UBE4B: variants seen among roughly 807,000 people sequenced by gnomAD.
UBE4B encodes the protein ubiquitin conjugation factor E4 B.
Under a neutral mutation model 148.1 loss-of-function variants are expected in UBE4B, and 27 were observed. The observed-to-expected ratio is 0.18, with a 90% CI of 0.13 to 0.25. UBE4B has a LOEUF of 0.25. UBE4B is among the 10% of genes least tolerant of loss of function. The pLI is 1.00. For missense variants in UBE4B, 1,170 were observed against 1,662.4 expected (o/e 0.70, Z 5.15); for synonymous variants, 596 against 619.3 (o/e 0.96, Z 0.56).
At chr1:10,103,639 T>G (rs1260302546) in intron 5 of UBE4B, among the ~76,000 whole-genome samples, 11 of 147,606 alleles carry the variant, frequency 7.5e-5, no homozygotes, top group Non-Finnish European at 1.1e-4. Context: ...TTTGTTTTTT[T>G]TTTTTTTTTT....
At chr1:10,177,658 AAT>A (rs373828728) in intron 25 of UBE4B, among the ~76,000 whole-genome samples, 3 of 151,050 alleles carry the variant, frequency 2.0e-5, no homozygotes. Context: ...TCTGTCTCAA[AAT>A]ATATATATAT....
At chr1:10,105,892 G>C (rs563916190) in intron 6 of UBE4B, 148 bp downstream of exon 6, 357 of 961,678 alleles carry the variant, frequency 3.7e-4, no homozygotes, top group Non-Finnish European at 5.1e-4. Flanking sequence ...GTCATTGGAA[G>C]TGGAATTCTC....
intron 7 of UBE4B, among the ~76,000 whole-genome samples, chr1:10,112,475 C>T (rs1311775235): frequency 6.6e-6 from 1 of 152,222 alleles, no homozygotes; most frequent in African/African-American, 2.4e-5. Flanking sequence ...TCTCAGCTCA[C>T]TGTAACCTCC....
chr1:10,146,617 C>G (rs1645877423), intron 18 of UBE4B, among the ~76,000 whole-genome samples: 1 of 152,170 alleles, frequency 6.6e-6, no homozygotes, highest in Non-Finnish European at 1.5e-5. Flanking sequence ...AATTCAGACA[C>G]TGATTGTTTG....
intron 20 of UBE4B, among the ~76,000 whole-genome samples, chr1:10,150,450 G>A (rs112214353): frequency 2.0e-5 from 3 of 151,984 alleles, no homozygotes; most frequent in African/African-American, 7.3e-5. Flanking sequence ...TTATGTTTTG[G>A]TAGTGATGAT....
At chr1:10,095,744 A>G in intron 3 of UBE4B, 148 bp downstream of exon 3, 16 of 892,412 alleles carry the variant, frequency 1.8e-5, no homozygotes, top group Non-Finnish European at 2.5e-5. Flanking sequence ...TTAAATTTAA[A>G]GATTTTGTAT....
chr1:10,165,453 AT>A (rs1035420186), intron 23 of UBE4B, among the ~76,000 whole-genome samples: 1 of 152,126 alleles, frequency 6.6e-6, no homozygotes, highest in Admixed American at 6.6e-5. Context: ...CATATCAGGG[AT>A]GGTGTTAAAC....
chr1:10,144,354 C>A (rs1238876092), intron 17 of UBE4B, among the ~76,000 whole-genome samples: 1 of 152,140 alleles, frequency 6.6e-6, no homozygotes, highest in Admixed American at 6.6e-5. Context: ...GAACAATGTA[C>A]TTTCTTGCAA....
At chr1:10,069,423 A>G (rs1435112374) in intron 1 of UBE4B, among the ~76,000 whole-genome samples, 3 of 152,246 alleles carry the variant, frequency 2.0e-5, no homozygotes, top group Non-Finnish European at 2.9e-5. Flanking sequence ...TAAGCAATAC[A>G]CAAATAAATA....
chr1:10,112,353 G>A (rs578095989), intron 7 of UBE4B, among the ~76,000 whole-genome samples: 19 of 152,242 alleles, frequency 1.2e-4, no homozygotes, highest in Admixed American at 4.6e-4. Flanking sequence ...ACAGCTGAGG[G>A]AAAATATTAA....
chr1:10,100,833 C>T (rs778883385), intron 3 of UBE4B: 39 of 332,408 alleles, frequency 1.2e-4, no homozygotes, highest in Admixed American at 4.5e-4. Context: ...GGATTACAGG[C>T]GTGAGCCACT....
At chr1:10,101,062 C>T (rs745946186) in intron 3 of UBE4B, 46 bp from the exon 4 acceptor site, 37 of 1,556,854 alleles carry the variant, frequency 2.4e-5, no homozygotes, top group South Asian at 7.8e-5. Flanking sequence ...TGACATTGTG[C>T]GGATTTATAA....
chr1:10,159,475 A>G (rs1646125842), intron 22 of UBE4B, among the ~76,000 whole-genome samples: 1 of 152,210 alleles, frequency 6.6e-6, no homozygotes, highest in Admixed American at 6.5e-5. Context: ...GATCGAGACC[A>G]TCCTGGCTAA....
intron 1 of UBE4B, among the ~76,000 whole-genome samples, chr1:10,047,319 G>A (rs943459925): frequency 6.6e-6 from 1 of 151,950 alleles, no homozygotes; most frequent in Non-Finnish European, 1.5e-5. Context: ...TGCCTGCTAG[G>A]GGGCCAGACT....
At chr1:10,042,079 C>T (rs896067683) in intron 1 of UBE4B, among the ~76,000 whole-genome samples, 4 of 152,154 alleles carry the variant, frequency 2.6e-5, no homozygotes, top group African/African-American at 7.2e-5. Flanking sequence ...GGATTACAGG[C>T]GCCCGCCGCC....
At chr1:10,085,202 G>A (rs1160853294) in intron 2 of UBE4B, among the ~76,000 whole-genome samples, 3 of 152,206 alleles carry the variant, frequency 2.0e-5, no homozygotes, top group Non-Finnish European at 4.4e-5. Context: ...GTCCCCTGAA[G>A]TGGACTGAGA....
intron 21 of UBE4B, among the ~76,000 whole-genome samples, chr1:10,156,552 A>G (rs1646076063): frequency 6.6e-6 from 1 of 152,062 alleles, no homozygotes; most frequent in African/African-American, 2.4e-5. Context: ...ATTGCTACAT[A>G]ATAAATTAAC....
intron 17 of UBE4B, among the ~76,000 whole-genome samples, chr1:10,139,230 T>A (rs1393027416): frequency 6.6e-6 from 1 of 151,032 alleles, no homozygotes; most frequent in African/African-American, 2.4e-5. Flanking sequence ...AACCCGTCTC[T>A]ACTACAAAAA....
Position 10,033,185 on chromosome 1 carries a change from T to C in UBE4B, c.-486T>C, listed in dbSNP as rs937795276. 3 of 152,734 alleles carry C rather than the reference T, an allele frequency of 2.0e-5. No homozygotes were observed. The highest frequency in any genetic ancestry group is 4.4e-5 in the Non-Finnish European group (3 of 68,426). 9.5% of individuals were successfully genotyped at this position (152,734 alleles called of 1,614,324 possible). A position where few individuals can be genotyped will look rare whatever the true frequency, so the allele number is the denominator to read the frequency against. On this transcript the variant is annotated 5_prime_UTR_variant, in exon 1 of 28. Transcript: ENST00000343090. ...CAGTGCTGGGCTCTGCCAGGACGGCTGTGGGGTCGCCTTACCTCGGGGTAT... is the reference window on the plus strand; with the variant it reads ...CAGTGCTGGGCTCTGCCAGGACGGCCGTGGGGTCGCCTTACCTCGGGGTAT...
Sources: allele counts gnomAD v4.1 joint callset (sites outside exome capture counted in the v4.1 genomes callset), GRCh38; gene constraint gnomAD v4.1.1; transcripts MANE v1.5; gene names NCBI Gene and HGNC (gene_info 2026-07-23, HGNC 2026-07-21).